The following TTC17 variants were observed in gnomAD, a reference collection of about 807,000 sequenced individuals.
TTC17 encodes the protein tetratricopeptide repeat domain 17.
In TTC17, 58 loss-of-function variants were observed where a neutral mutation model predicts 143.8. That is an observed-to-expected ratio of 0.40 (90% CI 0.33 to 0.50). The LOEUF is 0.50. Ranked by LOEUF, TTC17 falls within the 20% of genes least tolerant of loss-of-function variation. TTC17 has a pLI of 0.49. For synonymous variants in TTC17, 501 were observed against 497.8 expected, an observed-to-expected ratio of 1.01 and a Z score of -0.09; for missense variants, 1,273 against 1,392.5, an observed-to-expected ratio of 0.91 and a Z score of 1.37.
At chr11:43,380,053 A>C (rs1590326783) in intron 2 of TTC17, among the ~76,000 whole-genome samples, 1 of 152,222 alleles carries the variant, frequency 6.6e-6, no homozygotes, top group African/African-American at 2.4e-5. Context: ...AAAAAAACTA[A>C]TGGGAATAAT....
chr11:43,373,460 A>G (rs1856647383), intron 1 of TTC17, among the ~76,000 whole-genome samples: 2 of 151,898 alleles, frequency 1.3e-5, no homozygotes, highest in South Asian at 4.2e-4. Context: ...AGTAGCTGGA[A>G]CTACAGGCTC....
Position 43,399,874 on chromosome 11 carries a change from T to TA in TTC17, c.1059-8dup, listed in dbSNP as rs755691103. 1.3e-6 allele frequency: 2 copies of TA among 1,577,096 alleles called. No homozygotes were observed. Among genetic ancestry groups the TA allele is most frequent in the African/African-American group, 1.4e-5 (1 of 73,012 alleles). The stretch of plus-strand genomic sequence containing the variant: ...TATAGCTCTAACTTTTTCCTGGTAT[T>TA]AAAAAATGTTAAGATCTCTCCAGCG... On this transcript the variant is annotated splice_polypyrimidine_tract_variant and intron_variant, in intron 8 of 23. Transcript: ENST00000039989.
rs1857307767 is a variant in TTC17, at chr11:43,389,774, G to A, written c.372G>A (p.Leu124=). 6.2e-7 allele frequency: 1 copy of A among 1,613,754 alleles called. No homozygotes were observed. Among genetic ancestry groups the A allele is most frequent in the Non-Finnish European group, 8.5e-7 (1 of 1,179,880 alleles). The change falls in exon 3 of 24, where the codon CTG becomes CTA. Residue 124 remains leucine, a synonymous_variant. Transcript: ENST00000039989. ...AAGCCAAGGTGCCCTTAGGGGACCT[G>A]GATCTATATGATGGCACATACATAA... is the stretch of plus-strand genomic sequence containing the variant. ...CIKAKVPLGD[L]DLYDGTYITL... is the part of the protein sequence containing the mutation.
chr11:43,475,461 C>G (rs936633265), intron 21 of TTC17, among the ~76,000 whole-genome samples: 1 of 152,120 alleles, frequency 6.6e-6, no homozygotes, highest in South Asian at 2.1e-4. Context: ...GCCTCCCAAG[C>G]AGCTGGGACT....
At chr11:43,359,361 T>C (rs1007917179) in intron 1 of TTC17, 12 of 453,168 alleles carry the variant, frequency 2.6e-5, no homozygotes, top group Non-Finnish European at 3.8e-5. Context: ...GCGCGCCGCG[T>C]GGGGAAGAGT....
In TTC17 at chr11:43,404,018, CTCCAGTATGATG is replaced by C; in HGVS notation, c.1356_1367del (p.Ser453_Ser456del). 6.2e-7 allele frequency: 1 copy of C among 1,608,206 alleles called. No homozygotes were observed. On this transcript the variant is annotated inframe_deletion, in exon 11 of 24. Coordinates refer to ENST00000039989, the MANE Select transcript of TTC17 (RefSeq NM_018259.6). ...TCTAGTTTGGTGAGGATTCATCAAC[CTCCAGTATGATG>C]TCTGTGAACTTTGATGTTCAATCAA... is the stretch of plus-strand genomic sequence containing the variant.
At chr11:43,436,283 G>C in intron 16 of TTC17, 1 of 1,365,122 alleles carries the variant, frequency 7.3e-7, no homozygotes, top group Non-Finnish European at 9.4e-7. Flanking sequence ...GGAGGACCCT[G>C]TATTCTCTGT....
intron 21 of TTC17, among the ~76,000 whole-genome samples, chr11:43,456,099 C>T (rs890964671): frequency 6.6e-6 from 1 of 151,886 alleles, no homozygotes; most frequent in African/African-American, 2.4e-5. Context: ...TAATTATATC[C>T]AGACTTGTGC....
At chr11:43,398,409 G>C (rs1565145128) in intron 8 of TTC17, among the ~76,000 whole-genome samples, 1 of 152,120 alleles carries the variant, frequency 6.6e-6, no homozygotes, top group Non-Finnish European at 1.5e-5. Context: ...AGTTGGGGTG[G>C]GGAGACTGGG....
intron 1 of TTC17, among the ~76,000 whole-genome samples, chr11:43,361,340 A>G (rs139905777): frequency 1.3e-5 from 2 of 152,374 alleles, no homozygotes; most frequent in African/African-American, 2.4e-5. Context: ...AGCTTAGTAT[A>G]TACAGATGCT....
chr11:43,397,116 A>G, intron 6 of TTC17: 4 of 496,962 alleles, frequency 8.0e-6, no homozygotes, highest in Non-Finnish European at 1.4e-5. Flanking sequence ...CTTAAAGCAA[A>G]TATAAGCCCT....
chr11:43,456,000 G>A (rs1435959230), intron 21 of TTC17, among the ~76,000 whole-genome samples: 1 of 152,034 alleles, frequency 6.6e-6, no homozygotes, highest in African/African-American at 2.4e-5. Flanking sequence ...AATACATCAT[G>A]ACTAAAAGGC....
intron 16 of TTC17, among the ~76,000 whole-genome samples, chr11:43,440,534 C>T (rs1025442165): frequency 2.0e-5 from 3 of 152,156 alleles, no homozygotes; most frequent in South Asian, 2.1e-4. Context: ...CCTCTTTACC[C>T]TCTCTTTTTT....
intron 1 of TTC17, among the ~76,000 whole-genome samples, chr11:43,374,406 AC>A (rs1443799419): frequency 2.0e-5 from 3 of 152,154 alleles, no homozygotes; most frequent in Non-Finnish European, 4.4e-5. Context: ...ATTGCAACAA[AC>A]CAGAAATGGA....
intron 1 of TTC17, among the ~76,000 whole-genome samples, chr11:43,362,910 C>T (rs1225615977): frequency 6.6e-6 from 1 of 152,214 alleles, no homozygotes; most frequent in Non-Finnish European, 1.5e-5. Flanking sequence ...CACTAAGTTC[C>T]TTTTCCACTG....
Position 43,391,871 on chromosome 11 carries a change from C to T in TTC17, c.582C>T (p.Asp194=), listed in dbSNP as rs759684090. 1.2e-6 allele frequency: 2 copies of T among 1,613,860 alleles called. No individual in the cohort carries two copies. Among genetic ancestry groups the T allele is most frequent in the South Asian group, 2.2e-5 (2 of 91,004 alleles). ...NLSAPLLPKE[D]PIFTYLSKRL... ...CTGCACCTCTGCTACCTAAAGAAGA[C>T]CCAATCTTCACATATTTATCTAAAC... Residue 194 remains aspartate (D), a synonymous_variant, in exon 5 of 24, where the codon GAC becomes GAT. Transcript: ENST00000039989.
At chr11:43,386,840 G>A in intron 2 of TTC17, among the ~76,000 whole-genome samples, 1 of 152,072 alleles carries the variant, frequency 6.6e-6, no homozygotes, top group Non-Finnish European at 1.5e-5. Flanking sequence ...CAGCTGGAAA[G>A]CAGGTAGGAT....
chr11:43,466,933 GC>G, intron 21 of TTC17: 1 of 189,096 alleles, frequency 5.3e-6, no homozygotes, highest in Non-Finnish European at 1.1e-5. Context: ...GCTCAGGAGA[GC>G]ACCGTTCCAC....
chr11:43,487,097 CTTTT>C (rs1431486564), intron 21 of TTC17, among the ~76,000 whole-genome samples: 2 of 152,094 alleles, frequency 1.3e-5, no homozygotes, highest in African/African-American at 2.4e-5. Flanking sequence ...TATTTATGTT[CTTTT>C]GTGTGTCAGA....
Sources: gnomAD v4.1 joint callset for allele counts (sites outside exome capture counted in the v4.1 genomes callset) on GRCh38, gnomAD v4.1.1 for gene constraint, MANE v1.5 for transcripts, NCBI Gene and HGNC (gene_info 2026-07-23, HGNC 2026-07-21) for gene names.